ARFGEF2: variants seen among roughly 807,000 people sequenced by gnomAD.
ARFGEF2 encodes the protein ARF guanine nucleotide exchange factor 2, also known as brefeldin A-inhibited guanine nucleotide-exchange protein 2.
In ARFGEF2, 74 loss-of-function variants were observed where a neutral mutation model predicts 219.9. The observed-to-expected ratio is 0.34, with a 90% CI of 0.28 to 0.41. The LOEUF is 0.41. Among genes scored for constraint, ARFGEF2 ranks in the 10% least tolerant of loss-of-function variants. ARFGEF2 has a pLI of 1.00. For missense variants in ARFGEF2, 1,743 were observed against 2,218.3 expected (o/e 0.79, Z 4.30); for synonymous variants, 733 against 799.2 (o/e 0.92, Z 1.40).
At chr20:49,017,007 CTTAAT>C (rs1481774137) in intron 31 of ARFGEF2, among the ~76,000 whole-genome samples, 1 of 152,158 alleles carries the variant, frequency 6.6e-6, no homozygotes, top group Non-Finnish European at 1.5e-5. Flanking sequence ...ACATGAGCCA[CTTAAT>C]TTAAAGTAGC....
chr20:48,997,571 G>A (rs2091399873), intron 23 of ARFGEF2, among the ~76,000 whole-genome samples: 1 of 151,960 alleles, frequency 6.6e-6, no homozygotes, highest in South Asian at 2.1e-4. Context: ...CTGCGCCTGG[G>A]CTCCCCCGTC....
chr20:48,935,943 G>GGGT, intron 1 of ARFGEF2, among the ~76,000 whole-genome samples: 1 of 131,366 alleles, frequency 7.6e-6, no homozygotes, highest in African/African-American at 3.1e-5. Flanking sequence ...TGGCCGGGGG[G>GGGT]GGGGGCTGAC....
In ARFGEF2 at chr20:49,035,650, A is replaced by C. The variant is rs886056770; in HGVS notation, c.*2451A>C. The C allele has an allele frequency of 1.3e-5, 2 of 152,310 alleles. No homozygotes were observed. Among genetic ancestry groups the C allele is most frequent in the Non-Finnish European group, 2.9e-5 (2 of 68,098 alleles). 9.4% of individuals were successfully genotyped at this position (152,310 alleles called of 1,614,324 possible). ...CAGGACACCATTTATTTAACCAAGT[A>C]ATGGAGGAGAGTGAAACATTTTCCA... is the stretch of plus-strand genomic sequence containing the variant. On this transcript the variant is annotated 3_prime_UTR_variant, in exon 39 of 39. Transcript: ENST00000371917.
chr20:48,998,213 G>A lies in ARFGEF2; in HGVS notation c.3242G>A (p.Arg1081Lys). The change falls in exon 24 of 39, where the codon AGA becomes AAA. Residue 1081 changes from arginine (R) to lysine (K), a missense_variant. Physicochemically the swap from Arg to Lys is conservative, Grantham distance 26. Transcript: ENST00000371917. ...CCTAGGATTTTTACTGGGTCTACCA[G>A]ACTGGATGGAAATGCAATAGGTATG... The part of the protein sequence containing the change: ...AVDRIFTGST[R>K]LDGNAIVDFV... The A allele has an allele frequency of 6.2e-7, 1 of 1,614,132 alleles. No homozygotes were observed. Among genetic ancestry groups the A allele is most frequent in the Non-Finnish European group, 8.5e-7 (1 of 1,180,010 alleles).
intron 26 of ARFGEF2, among the ~76,000 whole-genome samples, chr20:49,009,410 A>C (rs1427985765): frequency 1.3e-5 from 2 of 151,940 alleles, no homozygotes; most frequent in Non-Finnish European, 1.5e-5. Flanking sequence ...AGGTCGCTCT[A>C]CTGCATTCCA....
chr20:48,936,330 G>A (rs1455126749), intron 1 of ARFGEF2, among the ~76,000 whole-genome samples: 3 of 150,686 alleles, frequency 2.0e-5, no homozygotes, highest in East Asian at 2.0e-4. Context: ...CGGACGGGGC[G>A]GCTGGCTGGG....
chr20:49,011,712 A>T (rs1379401090), intron 27 of ARFGEF2, among the ~76,000 whole-genome samples: 1 of 152,222 alleles, frequency 6.6e-6, no homozygotes, highest in Non-Finnish European at 1.5e-5. Context: ...GCGCAGGAAG[A>T]CTGTCTAGCC....
intron 3 of ARFGEF2, among the ~76,000 whole-genome samples, chr20:48,942,737 A>C (rs564672186): frequency 1.3e-5 from 2 of 152,144 alleles, no homozygotes; most frequent in African/African-American, 4.8e-5. Context: ...GTTAAAATTC[A>C]TATCAAGTAG....
At chr20:48,999,367 C>T (rs1230390968) in intron 25 of ARFGEF2, 1 of 349,874 alleles carries the variant, frequency 2.9e-6, no homozygotes, top group South Asian at 2.2e-5. Flanking sequence ...TTATTATATA[C>T]ATACAGACAT....
chr20:49,019,177 T>C (rs954597342), intron 34 of ARFGEF2, among the ~76,000 whole-genome samples, 179 bp downstream of exon 34: 28 of 152,208 alleles, frequency 1.8e-4, no homozygotes, highest in Admixed American at 6.5e-4. Context: ...ATTTTATCCA[T>C]GTGCAGGCAA....
Position 48,989,325 on chromosome 20 carries a change from A to T in ARFGEF2, c.2574A>T (p.Leu858Phe), listed in dbSNP as rs749044574. The change falls in exon 19 of 39, where the codon TTA becomes TTT. Residue 858 changes from leucine (L) to phenylalanine (F), a missense_variant. Physicochemically the swap from Leu to Phe is conservative, Grantham distance 22. This residue lies in a region of ARFGEF2 where 666 missense variants were observed against 955.4 expected (regional missense o/e 0.70). Coordinates refer to ENST00000371917, the MANE Select transcript of ARFGEF2 (RefSeq NM_006420.3). ...SEKQRRLLYN[L>F]EMEQMAKTAK... ...AGCAGCGGCGGCTGCTGTACAACTTAGAGATGGAGCAAATGGCTAAAACAG... is the reference window on the plus strand; with the variant it reads ...AGCAGCGGCGGCTGCTGTACAACTTTGAGATGGAGCAAATGGCTAAAACAG... 1.9e-6 allele frequency: 3 copies of T among 1,614,214 alleles called. No homozygotes were observed. In the South Asian group the frequency reaches 3.3e-5, roughly 18 times the overall value.
At chr20:48,954,206 A>G (rs1055262788) in intron 6 of ARFGEF2, among the ~76,000 whole-genome samples, 1 of 152,188 alleles carries the variant, frequency 6.6e-6, no homozygotes, top group East Asian at 1.9e-4. Context: ...ATAGATATCC[A>G]TGGAAGGAGC....
chr20:48,988,262 C>G (rs138276525), intron 16 of ARFGEF2, 42 bp from the exon 17 acceptor site: 1 of 1,429,564 alleles, frequency 7.0e-7, no homozygotes, highest in African/African-American at 1.4e-5. Context: ...CCTTCCAAAC[C>G]GCATCACCAT....
At chr20:48,978,945 C>T (rs2091278829) in intron 14 of ARFGEF2, among the ~76,000 whole-genome samples, 1 of 152,196 alleles carries the variant, frequency 6.6e-6, no homozygotes, top group African/African-American at 2.4e-5. Context: ...TTCCTCTTTT[C>T]CTGATTGAAT....
chr20:48,961,392 C>T (rs6019556), intron 6 of ARFGEF2, among the ~76,000 whole-genome samples: 15,085 of 152,042 alleles, frequency 0.099, 1,009 homozygotes, highest in African/African-American at 0.19. Flanking sequence ...TCATTCATAT[C>T]ACTGTCTTCC....
At chr20:48,956,547 G>A (rs1178754982) in intron 6 of ARFGEF2, among the ~76,000 whole-genome samples, 1 of 152,140 alleles carries the variant, frequency 6.6e-6, no homozygotes, top group African/African-American at 2.4e-5. Flanking sequence ...AATTACCTAT[G>A]TGTTTGTGTG....
Position 49,025,476 on chromosome 20 carries a change from G to T in ARFGEF2, c.4919G>T (p.Arg1640Leu). The change falls in exon 36 of 39, where the codon CGA becomes CTA. Residue 1640 changes from arginine (R) to leucine (L), a missense_variant. This residue lies in a region of ARFGEF2 where 578 missense variants were observed against 664.0 expected (regional missense o/e 0.87). Coordinates refer to ENST00000371917, the MANE Select transcript of ARFGEF2 (RefSeq NM_006420.3). Reference sequence around the variant, plus strand: ...TACGAGCAGCGGACTGTCCTGTGGCGAGCAGGTAAGGCCACACAGCAGATA... The same window carrying T: ...TACGAGCAGCGGACTGTCCTGTGGCTAGCAGGTAAGGCCACACAGCAGATA... Reference protein sequence around the residue: ...SNYEQRTVLWRAGFKGKSKPN... With the variant: ...SNYEQRTVLWLAGFKGKSKPN... 1 of 1,613,958 alleles carries T rather than the reference G, an allele frequency of 6.2e-7. No individual in the cohort carries two copies. The highest frequency in any genetic ancestry group is 1.1e-5 in the South Asian group (1 of 91,030).
In ARFGEF2 at chr20:49,011,956, A is replaced by G. The variant is rs756554552; in HGVS notation, c.3790A>G (p.Ile1264Val). 3 of 1,614,220 alleles carry G rather than the reference A, an allele frequency of 1.9e-6. No individual in the cohort carries two copies. Among genetic ancestry groups the G allele is most frequent in the South Asian group, 2.2e-5 (2 of 91,084 alleles). ...TTTCCAGCACCATTTTCCTGCAGCCATCGATTCCTTTCAGGATGCTGTGAA... is the reference window on the plus strand; with the variant it reads ...TTTCCAGCACCATTTTCCTGCAGCCGTCGATTCCTTTCAGGATGCTGTGAA... ...TIFQHHFPAA[I>V]DSFQDAVKCL... Residue 1264 changes from isoleucine to valine, a missense_variant, in exon 28 of 39, where the codon ATC becomes GTC. Physicochemically the swap from Ile to Val is conservative, Grantham distance 29. Around this residue, in one of 5 missense-constraint regions of ARFGEF2, gnomAD observed 578 missense variants for 664.0 expected, o/e 0.87. Transcript: ENST00000371917.
intron 14 of ARFGEF2, among the ~76,000 whole-genome samples, chr20:48,984,205 T>C (rs1483822801): frequency 1.3e-5 from 2 of 152,172 alleles, no homozygotes; most frequent in African/African-American, 4.8e-5. Flanking sequence ...TGCTTCACCA[T>C]ACTTAGCCAG....
Sources: gnomAD v4.1 joint callset for allele counts (sites outside exome capture counted in the v4.1 genomes callset) on GRCh38, gnomAD v4.1.1 for gene constraint, gnomAD v4.1.1 regional missense constraint, MANE v1.5 for transcripts, NCBI Gene and HGNC (gene_info 2026-07-23, HGNC 2026-07-21) for gene names.